The following PCDH11X variants were observed in gnomAD, a reference collection of about 807,000 sequenced individuals.
PCDH11X encodes protocadherin-11 X-linked.
In PCDH11X, 18 loss-of-function variants were observed where a neutral mutation model predicts 53.3. The observed-to-expected ratio is 0.34, with a 90% confidence interval of 0.23 to 0.50. PCDH11X has a LOEUF of 0.50. Among genes scored for constraint, PCDH11X ranks in the 20% least tolerant of loss-of-function variants. PCDH11X has a pLI of 0.98. For missense variants in PCDH11X, 570 were observed against 1,032.4 expected (o/e 0.55, Z 6.14); for synonymous variants, 279 against 393.3 (o/e 0.71, Z 3.44).
intron 7 of PCDH11X, among the ~76,000 whole-genome samples, chrX:92,225,052 A>G (rs771224094): frequency 3.6e-5 from 4 of 111,424 alleles, no homozygotes; most frequent in African/African-American, 1.3e-4. Context: ...TATTTTTTCT[A>G]TTGCAACAAC....
intron 4 of PCDH11X, among the ~76,000 whole-genome samples, chrX:91,830,166 A>G (rs1319946280): frequency 8.9e-6 from 1 of 111,820 alleles, no homozygotes; most frequent in African/African-American, 3.3e-5. Context: ...GTGCTATTTG[A>G]GCTTGATTAT....
chrX:92,095,094 A>T (rs775007704), intron 6 of PCDH11X, among the ~76,000 whole-genome samples: 13 of 111,096 alleles, frequency 1.2e-4, no homozygotes, highest in South Asian at 7.5e-4. Context: ...CCCAAATCCG[A>T]GTCCTCCTAT....
At chrX:92,121,659 C>G (rs754529021) in intron 6 of PCDH11X, among the ~76,000 whole-genome samples, 2 of 111,636 alleles carry the variant, frequency 1.8e-5, no homozygotes, top group Non-Finnish European at 3.8e-5. Flanking sequence ...ATAGTTGAAG[C>G]AAAATTGTTT....
At chrX:92,407,832 C>T (rs1026828402) in intron 9 of PCDH11X, among the ~76,000 whole-genome samples, 1 of 111,277 alleles carries the variant, frequency 9.0e-6, no homozygotes, top group Admixed American at 9.5e-5. Context: ...TACTCTTCCC[C>T]TACACTTTTG....
At chrX:91,994,116 T>G (rs886642587) in intron 6 of PCDH11X, among the ~76,000 whole-genome samples, 1 of 95,194 alleles carries the variant, frequency 1.1e-5, no homozygotes, top group African/African-American at 3.9e-5. Flanking sequence ...TTGTTATGTT[T>G]TGATACACAT....
At chrX:92,491,503 C>A (rs2073765946) in intron 10 of PCDH11X, among the ~76,000 whole-genome samples, 1 of 110,127 alleles carries the variant, frequency 9.1e-6, no homozygotes, top group Admixed American at 9.7e-5. Flanking sequence ...TACACCTCTG[C>A]GTAGTAAAAA....
intron 10 of PCDH11X, among the ~76,000 whole-genome samples, chrX:92,506,663 G>A (rs1237554090): frequency 1.2e-5 from 1 of 81,947 alleles, no homozygotes; most frequent in Non-Finnish European, 2.3e-5. Flanking sequence ...GAGGATTTTT[G>A]TATCTAGGTT....
chrX:92,255,723 A>G (rs981849879), intron 7 of PCDH11X, among the ~76,000 whole-genome samples: 14 of 112,013 alleles, frequency 1.2e-4, no homozygotes, highest in Non-Finnish European at 1.9e-4. Context: ...GTGTGCCCCT[A>G]CTGGAGGGTG....
intron 6 of PCDH11X, among the ~76,000 whole-genome samples, chrX:91,927,819 T>A (rs2147832946): frequency 9.0e-6 from 1 of 111,051 alleles, no homozygotes; most frequent in South Asian, 3.8e-4. Flanking sequence ...CTGCAGAATT[T>A]GTTTCCAGCT....
chrX:92,605,710 A>C (rs1037266842), intron 10 of PCDH11X, among the ~76,000 whole-genome samples: 2 of 112,131 alleles, frequency 1.8e-5, no homozygotes, highest in Non-Finnish European at 3.8e-5. Flanking sequence ...AATTAAGAGA[A>C]TCTCATTTAC....
chrX:92,318,097 TA>T lies in PCDH11X; in HGVS notation c.3144+54962del, dbSNP rs200989854. 2.1e-3 allele frequency among the ~76,000 whole-genome samples: 233 copies of T among 111,166 alleles called. 4 individuals carry two copies. In the East Asian group the frequency reaches 0.03, roughly 14 times the overall value. Reference sequence around the variant, plus strand: ...TTCTAATGCCATATTTATTTGTTCCTAAAAAAAATTTAAGTCAAATCAAATT... The same window carrying T: ...TTCTAATGCCATATTTATTTGTTCCTAAAAAAATTTAAGTCAAATCAAATT... On this transcript the variant is annotated intron_variant, in intron 8 of 10. Coordinates refer to ENST00000682573, the MANE Select transcript of PCDH11X (RefSeq NM_032968.5).
intron 10 of PCDH11X, among the ~76,000 whole-genome samples, chrX:92,552,868 T>A (rs991756983): frequency 1.8e-5 from 2 of 110,572 alleles, no homozygotes; most frequent in Non-Finnish European, 3.8e-5. Context: ...CACTCTTGCA[T>A]CCCAGGGGTA....
intron 6 of PCDH11X, among the ~76,000 whole-genome samples, chrX:92,080,010 G>A (rs1362018224): frequency 9.0e-6 from 1 of 111,350 alleles, no homozygotes; most frequent in Non-Finnish European, 1.9e-5. Context: ...CTTAAAGTAG[G>A]GAGATTATTT....
intron 8 of PCDH11X, among the ~76,000 whole-genome samples, chrX:92,296,625 C>T (rs1320702967): frequency 9.1e-6 from 1 of 110,332 alleles, no homozygotes. Flanking sequence ...CTATGTACCA[C>T]ATTGTTTTAA....
At chrX:91,964,119 G>A (rs770720708) in intron 6 of PCDH11X, among the ~76,000 whole-genome samples, 80 of 104,196 alleles carry the variant, frequency 7.7e-4, no homozygotes, top group African/African-American at 3.1e-3. Context: ...GGAGATGAAA[G>A]ATCTCTACAC....
chrX:91,949,272 A>G (rs1378902776), intron 6 of PCDH11X, among the ~76,000 whole-genome samples: 2 of 109,706 alleles, frequency 1.8e-5, no homozygotes, highest in Admixed American at 2.0e-4. Flanking sequence ...CTTAACAAGT[A>G]CAGGACAAGA....
At chrX:92,443,812 T>C (rs2072568216) in intron 9 of PCDH11X, among the ~76,000 whole-genome samples, 1 of 111,759 alleles carries the variant, frequency 8.9e-6, no homozygotes, top group African/African-American at 3.2e-5. Context: ...TTTTGTTGAC[T>C]TTGTTGAAGA....
intron 4 of PCDH11X, among the ~76,000 whole-genome samples, chrX:91,817,757 A>G (rs1024783033): frequency 1.8e-5 from 2 of 111,223 alleles, no homozygotes; most frequent in Non-Finnish European, 3.8e-5. Context: ...TAACTATTGT[A>G]TGGAAAAGAG....
chrX:92,521,636 G>A (rs1398156357), intron 10 of PCDH11X, among the ~76,000 whole-genome samples: 3 of 111,448 alleles, frequency 2.7e-5, no homozygotes, highest in Non-Finnish European at 5.7e-5. Flanking sequence ...GTCCTCTGAA[G>A]CTTTGAAGCT....
Sources: gnomAD v4.1 joint callset for allele counts (sites outside exome capture counted in the v4.1 genomes callset) on GRCh38, gnomAD v4.1.1 for gene constraint, MANE v1.5 for transcripts, NCBI Gene and HGNC (gene_info 2026-07-23, HGNC 2026-07-21) for gene names.